The following PPARGC1A variants were observed in gnomAD, a reference collection of about 807,000 sequenced individuals.
PPARGC1A encodes PPARG coactivator 1 alpha, also known as peroxisome proliferator-activated receptor gamma coactivator 1-alpha.
PPARGC1A carries 25 observed loss-of-function variants against 88.7 expected under a neutral mutation model. That is an observed-to-expected ratio of 0.28 (90% CI 0.21 to 0.39). PPARGC1A has a LOEUF of 0.39. Among genes scored for constraint, PPARGC1A ranks in the 10% least tolerant of loss-of-function variants. The pLI, the probability that PPARGC1A is intolerant of heterozygous loss-of-function variation, is 1.00. For synonymous variants in PPARGC1A, 363 were observed against 355.6 expected, an observed-to-expected ratio of 1.02 and a Z score of -0.24; for missense variants, 880 against 968.7, an observed-to-expected ratio of 0.91 and a Z score of 1.22.
chr4:24,286,635 C>T, the PPARGC1A span, among the ~76,000 whole-genome samples: 1 of 152,206 alleles, frequency 6.6e-6, no homozygotes, highest in Non-Finnish European at 1.5e-5. Flanking sequence ...GCTCAGATGC[C>T]ATCGTTGAAT....
chr4:23,889,789 C>G, intron 1 of PPARGC1A, 115 bp downstream of exon 1: 1 of 1,266,412 alleles, frequency 7.9e-7, no homozygotes, highest in Admixed American at 2.3e-5. Context: ...AAGCTCCTGC[C>G]TGGACTACTT....
At chr4:24,060,768 A>G in the PPARGC1A span, among the ~76,000 whole-genome samples, 1 of 152,166 alleles carries the variant, frequency 6.6e-6, no homozygotes, top group African/African-American at 2.4e-5. Flanking sequence ...CTTTCTTGGA[A>G]ATCCTTTATT....
At chr4:24,381,062 A>C in the PPARGC1A span, among the ~76,000 whole-genome samples, 1 of 152,164 alleles carries the variant, frequency 6.6e-6, no homozygotes, top group Non-Finnish European at 1.5e-5. Flanking sequence ...ATTGGGAGAC[A>C]TCAACATTTG....
chr4:24,380,055 G>T, the PPARGC1A span, among the ~76,000 whole-genome samples: 5 of 152,058 alleles, frequency 3.3e-5, no homozygotes, highest in East Asian at 1.9e-4. Context: ...AGGATTACAG[G>T]CCTGAGCCAC....
chr4:23,902,117 T>C (rs1053497982), upstream of PPARGC1A, among the ~76,000 whole-genome samples: 1 of 152,142 alleles, frequency 6.6e-6, no homozygotes, highest in African/African-American at 2.4e-5. Flanking sequence ...TAGAGCTATA[T>C]GTTAATATAA....
chr4:24,368,844 G>A, the PPARGC1A span, among the ~76,000 whole-genome samples: 2 of 152,192 alleles, frequency 1.3e-5, no homozygotes, highest in African/African-American at 2.4e-5. Flanking sequence ...GAAACGGAGA[G>A]TGAACGGGAG....
intron 7 of PPARGC1A, 54 bp from the exon 8 acceptor site, chr4:23,814,659 A>G (rs964745681): frequency 1.5e-5 from 21 of 1,411,414 alleles, no homozygotes; most frequent in Non-Finnish European, 1.8e-5. Context: ...AAAGAGACAG[A>G]GATAATGTTC....
At chr4:24,440,691 A>G in the PPARGC1A span, among the ~76,000 whole-genome samples, 1 of 152,156 alleles carries the variant, frequency 6.6e-6, no homozygotes, top group South Asian at 2.1e-4. Context: ...AGTCCCAGTT[A>G]CTCGGGAGGC....
At chr4:24,290,955 C>A in the PPARGC1A span, among the ~76,000 whole-genome samples, 1 of 152,154 alleles carries the variant, frequency 6.6e-6, no homozygotes, top group East Asian at 1.9e-4. Context: ...TCCCTGATAT[C>A]TAACAGAAAA....
rs137988401 is a variant in PPARGC1A at position 23,818,222 on chromosome 4, C to A, written c.878-3617G>T. 2.9e-3 allele frequency among the ~76,000 whole-genome samples: 443 copies of A among 152,252 alleles called. 2 individuals carry two copies. Among genetic ancestry groups the A allele is most frequent in the African/African-American group, 0.01 (417 of 41,548 alleles). On this transcript the variant is annotated intron_variant, in intron 7 of 12. Coordinates refer to ENST00000264867, the MANE Select transcript of PPARGC1A (RefSeq NM_013261.5). Reference sequence around the variant, plus strand: ...TTGACAGTACAAGGTATATTCCATGCTCTCTCTTGAACTTAGCAGGTTTTG... The same window carrying A: ...TTGACAGTACAAGGTATATTCCATGATCTCTCTTGAACTTAGCAGGTTTTG...
At chr4:24,285,725 C>T in the PPARGC1A span, among the ~76,000 whole-genome samples, 4 of 152,340 alleles carry the variant, frequency 2.6e-5, no homozygotes, top group African/African-American at 7.2e-5. Flanking sequence ...CCTTGGGTCT[C>T]CCTATTTCTA....
chr4:23,977,613 C>G, the PPARGC1A span, among the ~76,000 whole-genome samples: 3 of 152,244 alleles, frequency 2.0e-5, no homozygotes, highest in Admixed American at 2.0e-4. Flanking sequence ...ATAGGTGCAG[C>G]AAACCACCAC....
At chr4:24,101,660 G>T in the PPARGC1A span, among the ~76,000 whole-genome samples, 1 of 152,144 alleles carries the variant, frequency 6.6e-6, no homozygotes, top group African/African-American at 2.4e-5. Context: ...CTGGATTTCA[G>T]AATTCAAATT....
the PPARGC1A span, among the ~76,000 whole-genome samples, chr4:24,026,107 T>C: frequency 3.3e-5 from 5 of 152,304 alleles, no homozygotes; most frequent in East Asian, 9.6e-4. Context: ...CTGGCTTCTT[T>C]AGAAAATTTC....
the PPARGC1A span, among the ~76,000 whole-genome samples, chr4:24,168,133 T>C: frequency 6.6e-6 from 1 of 152,346 alleles, no homozygotes; most frequent in Non-Finnish European, 1.5e-5. Context: ...CAGTATAGTA[T>C]AAAAATAACT....
the PPARGC1A span, among the ~76,000 whole-genome samples, chr4:24,443,091 T>A: frequency 6.6e-6 from 1 of 152,198 alleles, no homozygotes; most frequent in South Asian, 2.1e-4. Flanking sequence ...CATTTCTAAT[T>A]GAGTCCTAAA....
chr4:24,384,497 C>T, the PPARGC1A span, among the ~76,000 whole-genome samples: 2 of 126,502 alleles, frequency 1.6e-5, no homozygotes, highest in Non-Finnish European at 3.2e-5. Context: ...ATCTCACATG[C>T]AAAGACACAC....
chr4:24,448,851 A>G, the PPARGC1A span, among the ~76,000 whole-genome samples: 5 of 152,198 alleles, frequency 3.3e-5, no homozygotes, highest in African/African-American at 1.2e-4. Context: ...AAGATAAATC[A>G]AGCTTGCAGC....
chr4:23,799,589 G>A (rs958648904), intron 12 of PPARGC1A, among the ~76,000 whole-genome samples: 2 of 152,130 alleles, frequency 1.3e-5, no homozygotes, highest in African/African-American at 4.8e-5. Context: ...ACAGCTTGAG[G>A]GAATTGGAAA....
Sources: allele counts gnomAD v4.1 joint callset (sites outside exome capture counted in the v4.1 genomes callset), GRCh38; gene constraint gnomAD v4.1.1; transcripts MANE v1.5; gene names NCBI Gene and HGNC (gene_info 2026-07-23, HGNC 2026-07-21).